Variants in APBB1IP observed in about 807,000 individuals in gnomAD.
APBB1IP encodes amyloid beta precursor protein binding family B member 1 interacting protein, also known as amyloid beta A4 precursor protein-binding family B member 1-interacting protein.
In APBB1IP, 27 loss-of-function variants were observed where a neutral mutation model predicts 64.9. That is an observed-to-expected ratio of 0.42 (90% CI 0.31 to 0.57). The LOEUF (loss-of-function observed/expected upper bound fraction) is 0.57, where lower values mean the gene tolerates loss of function less well. Ranked by LOEUF, APBB1IP falls within the 20% of genes least tolerant of loss-of-function variation. The pLI, the probability that APBB1IP is intolerant of heterozygous loss-of-function variation, is 0.20. For missense variants in APBB1IP, 812 were observed against 845.5 expected (o/e 0.96, Z 0.49); for synonymous variants, 392 against 331.0 (o/e 1.18, Z -2.00).
At chr10:26,446,110 C>A (rs1050807724) in intron 2 of APBB1IP, among the ~76,000 whole-genome samples, 1 of 152,110 alleles carries the variant, frequency 6.6e-6, no homozygotes, top group African/African-American at 2.4e-5. Flanking sequence ...GGGAATCCCA[C>A]AAAATCTTTT....
chr10:26,564,162 G>A (rs1380789571), intron 14 of APBB1IP, among the ~76,000 whole-genome samples: 2 of 151,454 alleles, frequency 1.3e-5, no homozygotes, highest in Non-Finnish European at 2.9e-5. Flanking sequence ...TCAATGGTAA[G>A]AGGCCACTAA....
chr10:26,470,275 G>A (rs978711744), intron 2 of APBB1IP, among the ~76,000 whole-genome samples: 2 of 152,178 alleles, frequency 1.3e-5, no homozygotes, highest in South Asian at 2.1e-4. Context: ...AGTGTTTCAT[G>A]CCTGTAATCC....
chr10:26,529,435 A>C (rs1310663917), intron 8 of APBB1IP, among the ~76,000 whole-genome samples: 2 of 152,246 alleles, frequency 1.3e-5, no homozygotes, highest in Middle Eastern at 3.2e-3. Context: ...TTAGAAGGAT[A>C]TTCTGAAGCT....
chr10:26,454,626 A>G (rs2132401472), intron 2 of APBB1IP, among the ~76,000 whole-genome samples: 1 of 152,322 alleles, frequency 6.6e-6, no homozygotes, highest in Non-Finnish European at 1.5e-5. Context: ...AAAAAACCAG[A>G]AAGAATGAAT....
intron 14 of APBB1IP, among the ~76,000 whole-genome samples, chr10:26,566,169 A>G (rs918735542): frequency 6.6e-6 from 1 of 152,196 alleles, no homozygotes; most frequent in Non-Finnish European, 1.5e-5. Context: ...CCGTAATTCC[A>G]GCTACTCAGG....
intron 8 of APBB1IP, among the ~76,000 whole-genome samples, chr10:26,531,160 C>A (rs1033107318): frequency 9.9e-5 from 15 of 151,444 alleles, no homozygotes; most frequent in Non-Finnish European, 1.9e-4. Flanking sequence ...CATTAAAAAA[C>A]CCCATTTCTA....
In APBB1IP at chr10:26,562,327, A is replaced by T; in HGVS notation, c.1371A>T (p.Gly457=). 6.2e-7 allele frequency: 1 copy of T among 1,612,416 alleles called. No homozygotes were observed. Among genetic ancestry groups the T allele is most frequent in the Non-Finnish European group, 8.5e-7 (1 of 1,178,670 alleles). ...NAAAPAQPST[G]PKTGTTQPNG... is the part of the protein sequence containing the mutation. ...CTTTTCTCACTTCTTCCCTCTCAGG[A>T]CCTAAAACAGGCACCACCCAGCCCA... The change falls in exon 14 of 15, where the codon GGA becomes GGT. Residue 457 remains glycine, a splice_region_variant and synonymous_variant. Transcript: ENST00000376236.
intron 2 of APBB1IP, among the ~76,000 whole-genome samples, chr10:26,472,296 C>T (rs567290776): frequency 1.3e-5 from 2 of 152,306 alleles, no homozygotes; most frequent in African/African-American, 4.8e-5. Context: ...TAGTGCAGTG[C>T]ATCCACAGGA....
intron 10 of APBB1IP, among the ~76,000 whole-genome samples, chr10:26,541,284 A>G (rs1053447778): frequency 2.0e-4 from 31 of 152,344 alleles, no homozygotes; most frequent in Admixed American, 1.3e-3. Flanking sequence ...TAGCACATCC[A>G]TCATCTCAAA....
At chr10:26,491,004 C>T (rs1014756545) in intron 2 of APBB1IP, among the ~76,000 whole-genome samples, 1 of 152,136 alleles carries the variant, frequency 6.6e-6, no homozygotes, top group South Asian at 2.1e-4. Context: ...AGAGGCTGAG[C>T]AAGATGGCTC....
At chr10:26,482,064 T>C (rs1209651884) in intron 2 of APBB1IP, among the ~76,000 whole-genome samples, 1 of 152,188 alleles carries the variant, frequency 6.6e-6, no homozygotes, top group Non-Finnish European at 1.5e-5. Flanking sequence ...CCTATGTATA[T>C]ACACATGTCC....
chr10:26,465,064 G>A (rs77898545), intron 2 of APBB1IP, among the ~76,000 whole-genome samples: 1,590 of 152,170 alleles, frequency 0.01, 29 homozygotes, highest in African/African-American at 0.036. Flanking sequence ...GTGCTTTCTC[G>A]CACAGCTGTA....
At position 26,567,214 on chromosome 10, in the gene APBB1IP, T is replaced by C. The variant is rs1157471172; in HGVS notation, c.1727T>C (p.Met576Thr). The C allele has an allele frequency of 9.6e-6, 13 of 1,357,762 alleles. No homozygotes were observed. The African/African-American group carries it at 1.2e-4, about 12-fold the overall frequency. 84.1% of individuals were successfully genotyped at this position (1,357,762 alleles called of 1,614,324 possible). Residue 576 changes from methionine (M) to threonine (T), a missense_variant, in exon 15 of 15, where the codon ATG (methionine) becomes ACG (threonine). Met to Thr is a moderately conservative substitution (Grantham distance 81). Around this residue, in one of 3 missense-constraint regions of APBB1IP, gnomAD observed 381 missense variants for 352.1 expected, o/e 1.08. Coordinates refer to ENST00000376236, the MANE Select transcript of APBB1IP (RefSeq NM_019043.4). ...PELPPPPPDF[M>T]EPPPDFVPPP... ...CTCCCGCCGCCGCCCCCGGACTTCA[T>C]GGAGCCGCCCCCAGACTTCGTGCCC...
intron 2 of APBB1IP, among the ~76,000 whole-genome samples, chr10:26,442,752 TA>T (rs1358454942): frequency 2.0e-5 from 3 of 152,198 alleles, no homozygotes; most frequent in Non-Finnish European, 2.9e-5. Flanking sequence ...GCTTAAGAAG[TA>T]GAATATTTAC....
chr10:26,459,194 G>GT (rs1418701448), intron 2 of APBB1IP, among the ~76,000 whole-genome samples: 31 of 149,234 alleles, frequency 2.1e-4, no homozygotes, highest in Non-Finnish European at 1.3e-4. Flanking sequence ...GCGGTGTTTG[G>GT]TTTTTTGTCC....
At chr10:26,451,632 C>A (rs986548820) in intron 2 of APBB1IP, among the ~76,000 whole-genome samples, 1 of 152,156 alleles carries the variant, frequency 6.6e-6, no homozygotes, top group African/African-American at 2.4e-5. Flanking sequence ...TTACCTTAAA[C>A]CCTTTTTCAG....
intron 6 of APBB1IP, among the ~76,000 whole-genome samples, chr10:26,507,896 A>G (rs912244489): frequency 5.3e-5 from 8 of 152,240 alleles, no homozygotes; most frequent in African/African-American, 1.9e-4. Context: ...TTCCTGCCAT[A>G]TATCAGACAG....
intron 2 of APBB1IP, among the ~76,000 whole-genome samples, chr10:26,470,906 G>T (rs983621289): frequency 1.1e-4 from 17 of 151,990 alleles, no homozygotes; most frequent in Admixed American, 5.2e-4. Context: ...CCCATCATCT[G>T]TCCAGGCATC....
In APBB1IP at chr10:26,567,800, G is replaced by T; in HGVS notation, c.*312G>T. 2.9e-6 allele frequency: 1 copy of T among 345,674 alleles called. No homozygotes were observed. The highest frequency in any genetic ancestry group is 4.9e-6 in the Non-Finnish European group (1 of 203,346). The allele number at this position is 345,674 out of a possible 1,614,324, so 21.4% of individuals were successfully genotyped here. ...TCAAATAAAAGTTAAACGTTTTTCC[G>T]GAAGACGGTATTTCTAGAAAGATTA... On this transcript the variant is annotated 3_prime_UTR_variant, in exon 15 of 15. Coordinates refer to ENST00000376236, the MANE Select transcript of APBB1IP (RefSeq NM_019043.4).
Sources: allele counts gnomAD v4.1 joint callset (sites outside exome capture counted in the v4.1 genomes callset), GRCh38; gene constraint gnomAD v4.1.1; regional missense constraint gnomAD v4.1.1; transcripts MANE v1.5; gene names NCBI Gene and HGNC (gene_info 2026-07-23, HGNC 2026-07-21).